ARHGAP28: variants seen among roughly 807,000 people sequenced by gnomAD.
The protein encoded by ARHGAP28 is rho GTPase-activating protein 28.
A neutral mutation model predicts 90.7 loss-of-function variants in ARHGAP28; 56 were observed. The observed-to-expected ratio is 0.62, with a 90% confidence interval of 0.50 to 0.77. The LOEUF (loss-of-function observed/expected upper bound fraction) is 0.77, where lower values mean the gene tolerates loss of function less well. Among genes scored for constraint, ARHGAP28 ranks in the 30% least tolerant of loss-of-function variants. The pLI is 0.00. For missense variants in ARHGAP28, 869 were observed against 900.9 expected, an observed-to-expected ratio of 0.96 and a Z score of 0.45; for synonymous variants, 308 against 323.3, an observed-to-expected ratio of 0.95 and a Z score of 0.51.
chr18:6,847,362 G>A (rs1436065535), intron 3 of ARHGAP28, among the ~76,000 whole-genome samples: 1 of 151,634 alleles, frequency 6.6e-6, no homozygotes, highest in African/African-American at 2.4e-5. Flanking sequence ...TCCATATTTT[G>A]CCTTCTTCCA....
rs776937358 is a variant in ARHGAP28, at chr18:6,841,167, CCTCT to C, written c.543+3763_543+3766del. 2.8e-4 allele frequency among the ~76,000 whole-genome samples: 22 copies of C among 79,990 alleles called. 1 individual carries two copies. The highest frequency in any genetic ancestry group is 3.9e-4 in the South Asian group (1 of 2,532). The allele number at this position is 79,990 out of a possible 152,430, so 52.5% of individuals were successfully genotyped here. The stretch of plus-strand genomic sequence containing the variant: ...CTGTCTCTCTCCTCTTTCTCTCTCT[CCTCT>C]CTCTCTCTCCTCTCTCTCTCTCTCT... On this transcript the variant is annotated intron_variant, in intron 3 of 17. Transcript: ENST00000383472.
intron 1 of ARHGAP28, among the ~76,000 whole-genome samples, chr18:6,746,574 C>T (rs1314636782): frequency 1.3e-5 from 2 of 152,168 alleles, no homozygotes; most frequent in East Asian, 3.8e-4. Context: ...TTCCAGAATA[C>T]AGAAAGCTGA....
chr18:6,887,250 T>G lies in ARHGAP28; in HGVS notation c.1536+11T>G. 6.2e-7 allele frequency: 1 copy of G among 1,613,066 alleles called. No individual in the cohort carries two copies. Among genetic ancestry groups the G allele is most frequent in the Non-Finnish European group, 8.5e-7 (1 of 1,179,270 alleles). The stretch of plus-strand genomic sequence containing the variant: ...AGAGATGCAGCTCAGGTACGTCGTG[T>G]CCACCTCACAGCTTGTCCTGGGGCT... On this transcript the variant is annotated intron_variant, in intron 12 of 17. Transcript: ENST00000383472.
In ARHGAP28 at chr18:6,818,705, T is replaced by C. The variant is rs574195650; in HGVS notation, c.123-6057T>C. Among the ~76,000 whole-genome samples the C allele has an allele frequency of 4.6e-5, 7 of 152,144 alleles. No individual in the cohort carries two copies. In the South Asian group the frequency reaches 1.5e-3, roughly 32 times the overall value. On this transcript the variant is annotated intron_variant, in intron 1 of 17. Coordinates refer to ENST00000383472, the MANE Select transcript of ARHGAP28 (RefSeq NM_001366230.1). ...GATGAGAGGCATCTTGCTGCAGAAA[T>C]TGCTTGGGGAGAAAGAAGGTTGCAG...
At chr18:6,849,378 G>A (rs374745372) in intron 3 of ARHGAP28, among the ~76,000 whole-genome samples, 9 of 152,154 alleles carry the variant, frequency 5.9e-5, no homozygotes, top group African/African-American at 2.2e-4. Context: ...CTGCTGGGCA[G>A]TTTATGGAAT....
intron 2 of ARHGAP28, 82 bp from the exon 3 acceptor site, chr18:6,837,115 C>T (rs1190813643): frequency 1.0e-6 from 1 of 987,154 alleles, no homozygotes; most frequent in South Asian, 1.6e-5. Flanking sequence ...TATTATTTAC[C>T]AATACTTCTT....
intron 14 of ARHGAP28, among the ~76,000 whole-genome samples, chr18:6,893,911 G>T (rs1376611474): frequency 7.3e-6 from 1 of 137,050 alleles, no homozygotes; most frequent in Non-Finnish European, 1.5e-5. Flanking sequence ...CTGTCACCCA[G>T]GCTGGAGTGC....
chr18:6,879,861 C>A (rs1410114251), intron 10 of ARHGAP28, among the ~76,000 whole-genome samples: 1 of 152,110 alleles, frequency 6.6e-6, no homozygotes, highest in Non-Finnish European at 1.5e-5. Flanking sequence ...AAGCTTGAAG[C>A]ACAGACCATA....
At chr18:6,846,910 G>A (rs950778967) in intron 3 of ARHGAP28, among the ~76,000 whole-genome samples, 2 of 152,172 alleles carry the variant, frequency 1.3e-5, no homozygotes, top group East Asian at 1.9e-4. Context: ...TATTAGTCAC[G>A]TTTCCTCACA....
intron 1 of ARHGAP28, among the ~76,000 whole-genome samples, chr18:6,792,709 G>T (rs565959046): frequency 1.2e-4 from 19 of 152,160 alleles, no homozygotes; most frequent in African/African-American, 4.1e-4. Flanking sequence ...ACATAATGGC[G>T]CAGTAATCGT....
At chr18:6,792,555 T>C (rs1109240) in intron 1 of ARHGAP28, among the ~76,000 whole-genome samples, 1,911 of 152,260 alleles carry the variant, frequency 0.013, 27 homozygotes, top group African/African-American at 0.039. Context: ...TGCTAGTCCT[T>C]GCAACAATCA....
chr18:6,894,162 C>T (rs1026144030), intron 14 of ARHGAP28, among the ~76,000 whole-genome samples: 1 of 152,118 alleles, frequency 6.6e-6, no homozygotes, highest in African/African-American at 2.4e-5. Flanking sequence ...CCACCATGCC[C>T]AGCCACTATA....
In ARHGAP28 at chr18:6,859,836, C is replaced by T. The variant is rs761265642; in HGVS notation, c.665C>T (p.Thr222Ile). The change falls in exon 5 of 18, where the codon ACC becomes ATC. Residue 222 changes from threonine (T) to isoleucine (I), a missense_variant. Physicochemically the swap from Thr to Ile is moderately conservative, Grantham distance 89 (BLOSUM62 -1). Coordinates refer to ENST00000383472, the MANE Select transcript of ARHGAP28 (RefSeq NM_001366230.1). ...GATGATGCTTCTCTCAACAGTACTA[C>T]CCTGTCTGACGCATCCCAGGATAAA... Reference protein sequence around the residue: ...MPDDASLNSTTLSDASQDKEG... With the variant: ...MPDDASLNSTILSDASQDKEG... The T allele has an allele frequency of 1.9e-6, 3 of 1,614,190 alleles. No homozygotes were observed. The highest frequency in any genetic ancestry group is 2.5e-6 in the Non-Finnish European group (3 of 1,180,008).
At position 6,914,733 on chromosome 18, in the gene ARHGAP28, AC is replaced by A. The variant is rs1004450785; in HGVS notation, c.*2580del. On this transcript the variant is annotated 3_prime_UTR_variant, in exon 18 of 18. Coordinates refer to ENST00000383472, the MANE Select transcript of ARHGAP28 (RefSeq NM_001366230.1). ...CCCATTCCTAGTGCTCTTGGTATACACTTGGGAAAATAATGTCCTCCAGGAG... is the reference window on the plus strand; with the variant it reads ...CCCATTCCTAGTGCTCTTGGTATACATTGGGAAAATAATGTCCTCCAGGAG... The A allele has an allele frequency of 2.0e-5, 3 of 152,332 alleles. No individual in the cohort carries two copies. Among genetic ancestry groups the A allele is most frequent in the Admixed American group, 2.0e-4 (3 of 15,300 alleles). 9.4% of individuals were successfully genotyped at this position (152,332 alleles called of 1,614,324 possible).
intron 1 of ARHGAP28, among the ~76,000 whole-genome samples, chr18:6,752,488 C>G (rs2056077449): frequency 6.6e-6 from 1 of 152,202 alleles, no homozygotes; most frequent in Admixed American, 6.5e-5. Flanking sequence ...TCTTGGTTCT[C>G]TTTCTCTAAC....
chr18:6,862,172 G>T (rs2057003689), intron 5 of ARHGAP28, among the ~76,000 whole-genome samples: 1 of 152,032 alleles, frequency 6.6e-6, no homozygotes, highest in Non-Finnish European at 1.5e-5. Context: ...ACTACATTTT[G>T]GGCCCTGTGC....
At chr18:6,859,731 G>T in intron 4 of ARHGAP28, 77 bp from the exon 5 acceptor site, 1 of 1,387,778 alleles carries the variant, frequency 7.2e-7, no homozygotes, top group South Asian at 1.2e-5. Flanking sequence ...ATCTCAGTAT[G>T]AACACAGAGC....
chr18:6,904,552 G>A (rs1277306666), intron 16 of ARHGAP28, among the ~76,000 whole-genome samples: 1 of 151,964 alleles, frequency 6.6e-6, no homozygotes, highest in African/African-American at 2.4e-5. Context: ...ACAAAAATAA[G>A]AGCAAAATAT....
chr18:6,884,566 GT>G (rs2057205659), intron 11 of ARHGAP28, among the ~76,000 whole-genome samples: 1 of 152,160 alleles, frequency 6.6e-6, no homozygotes, highest in African/African-American at 2.4e-5. Flanking sequence ...AAAGAATGTT[GT>G]TTGGTTTCTT....
Sources: gnomAD v4.1 joint callset for allele counts (sites outside exome capture counted in the v4.1 genomes callset) on GRCh38, gnomAD v4.1.1 for gene constraint, MANE v1.5 for transcripts, NCBI Gene and HGNC (gene_info 2026-07-23, HGNC 2026-07-21) for gene names.